The following NALF1 variants were observed in gnomAD, a reference collection of about 807,000 sequenced individuals.
The protein encoded by NALF1 is NALCN channel auxiliary factor 1.
NALF1 carries 3 observed loss-of-function variants against 48.4 expected under a neutral mutation model. The ratio of observed to expected loss-of-function variants is 0.06; its 90% CI spans 0.03 to 0.16. The LOEUF (loss-of-function observed/expected upper bound fraction) is 0.16. Among genes scored for constraint, NALF1 ranks in the 10% least tolerant of loss-of-function variants. The pLI is 1.00. For synonymous variants in NALF1, 262 were observed against 245.7 expected, an observed-to-expected ratio of 1.07 and a Z score of -0.62; for missense variants, 526 against 571.5, an observed-to-expected ratio of 0.92 and a Z score of 0.81.
At chr13:107,217,976 C>T (rs1879909966) in intron 1 of NALF1, among the ~76,000 whole-genome samples, 2 of 152,202 alleles carry the variant, frequency 1.3e-5, no homozygotes, top group African/African-American at 2.4e-5. Flanking sequence ...CCCACAGCAA[C>T]ACCCAGGAGA....
In NALF1 at chr13:107,621,250, G is replaced by A. The variant is rs370281276; in HGVS notation, c.915+244432C>T. 2.4e-4 allele frequency among the ~76,000 whole-genome samples: 36 copies of A among 152,224 alleles called. No individual in the cohort carries two copies. In the South Asian group the frequency reaches 7.1e-3, roughly 30 times the overall value. ...AGTTAGCACATTTCAAGGACAGTAA[G>A]AATATTTCACTATTATCTTTTTAAG... On this transcript the variant is annotated intron_variant, in intron 1 of 2. Coordinates refer to ENST00000375915, the MANE Select transcript of NALF1 (RefSeq NM_001080396.3).
intron 1 of NALF1, among the ~76,000 whole-genome samples, chr13:107,638,143 T>C (rs933935411): frequency 3.0e-5 from 4 of 133,792 alleles, no homozygotes; most frequent in Admixed American, 8.3e-5. Flanking sequence ...AATGAACCTA[T>C]ATATGAAAGC....
At chr13:107,358,165 CATAT>C (rs1180005270) in intron 1 of NALF1, among the ~76,000 whole-genome samples, 171 of 112,928 alleles carry the variant, frequency 1.5e-3, no homozygotes, top group African/African-American at 3.5e-3. Flanking sequence ...ATATACGTAA[CATAT>C]GTGTGTGTGT....
intron 1 of NALF1, among the ~76,000 whole-genome samples, chr13:107,732,329 T>C (rs753648903): frequency 6.6e-6 from 1 of 152,194 alleles, no homozygotes; most frequent in African/African-American, 2.4e-5. Flanking sequence ...TACACATATA[T>C]GGTTTGCACT....
intron 1 of NALF1, among the ~76,000 whole-genome samples, chr13:107,516,515 T>C (rs1327535886): frequency 6.6e-6 from 1 of 152,232 alleles, no homozygotes. Context: ...GCTTTATTAA[T>C]GTATGCTGCT....
chr13:107,470,836 A>G (rs1057223759), intron 1 of NALF1, among the ~76,000 whole-genome samples: 4 of 152,090 alleles, frequency 2.6e-5, no homozygotes, highest in Non-Finnish European at 4.4e-5. Flanking sequence ...ATGTATACAC[A>G]CAAAATAATA....
At chr13:107,729,897 C>T (rs1326294617) in intron 1 of NALF1, among the ~76,000 whole-genome samples, 2 of 152,148 alleles carry the variant, frequency 1.3e-5, no homozygotes, top group Non-Finnish European at 2.9e-5. Context: ...TAGATATATG[C>T]CTAGAAGAAA....
chr13:107,476,675 C>A (rs1410784045), intron 1 of NALF1, among the ~76,000 whole-genome samples: 1 of 151,954 alleles, frequency 6.6e-6, no homozygotes, highest in Non-Finnish European at 1.5e-5. Flanking sequence ...TATAAATACA[C>A]CTCACTTGCA....
intron 1 of NALF1, among the ~76,000 whole-genome samples, chr13:107,336,065 A>G (rs889824940): frequency 6.6e-6 from 1 of 152,122 alleles, no homozygotes; most frequent in African/African-American, 2.4e-5. Context: ...TTAAAATCTA[A>G]TATCAGCCAG....
At chr13:107,194,434 C>A (rs61967589) in intron 2 of NALF1, among the ~76,000 whole-genome samples, 6,114 of 152,222 alleles carry the variant, frequency 0.04, 157 homozygotes, top group Non-Finnish European at 0.058. Context: ...TTACAGCCAA[C>A]TGATCTTTGA....
In NALF1 at chr13:107,866,606, A is replaced by G; in HGVS notation, c.-10T>C. 1.3e-6 allele frequency: 2 copies of G among 1,594,938 alleles called. No individual in the cohort carries two copies. The highest frequency in any genetic ancestry group is 1.7e-6 in the Non-Finnish European group (2 of 1,175,162). ...AAGCACCCCTGGTCATATTTTGGGA[A>G]CGCACAGCCCTGGCCGACTCCACCG... On this transcript the variant is annotated 5_prime_UTR_variant, in exon 1 of 3. Coordinates refer to ENST00000375915, the MANE Select transcript of NALF1 (RefSeq NM_001080396.3). This position sits in a 1 kb window ranked among gnomAD's most constrained non-coding sequence, Gnocchi z 4.4.
intron 1 of NALF1, among the ~76,000 whole-genome samples, chr13:107,802,041 T>C (rs1407371788): frequency 1.3e-5 from 2 of 152,330 alleles, no homozygotes; most frequent in East Asian, 3.9e-4. Flanking sequence ...ACCTGTTCTA[T>C]GCAAACACCT....
intron 1 of NALF1, among the ~76,000 whole-genome samples, chr13:107,818,099 G>A (rs992946039): frequency 2.0e-5 from 3 of 152,104 alleles, no homozygotes; most frequent in African/African-American, 7.2e-5. Context: ...TTTCTTCTAT[G>A]CTGTCTTCTC....
intron 1 of NALF1, among the ~76,000 whole-genome samples, chr13:107,653,292 G>A (rs563264439): frequency 6.8e-4 from 102 of 149,850 alleles, no homozygotes; most frequent in African/African-American, 2.3e-3. Flanking sequence ...TTGTTTTATC[G>A]TAGGGGGAGA....
At chr13:107,440,319 G>A (rs900455070) in intron 1 of NALF1, among the ~76,000 whole-genome samples, 8 of 152,168 alleles carry the variant, frequency 5.3e-5, no homozygotes, top group African/African-American at 7.2e-5. Flanking sequence ...TGAGAGAAAC[G>A]TATTAACTAA....
At chr13:107,343,214 T>C (rs556036493) in intron 1 of NALF1, among the ~76,000 whole-genome samples, 70 of 152,216 alleles carry the variant, frequency 4.6e-4, no homozygotes, top group Middle Eastern at 3.4e-3. Context: ...AAGAAATCAA[T>C]AGCAGTGGAA....
intron 1 of NALF1, among the ~76,000 whole-genome samples, chr13:107,262,769 GCTCTCTCTCTCTCT>G (rs1555329321): frequency 6.9e-6 from 1 of 144,036 alleles, no homozygotes; most frequent in Non-Finnish European, 1.5e-5. Context: ...ACCCACAGGC[GCTCTCTCTCTCTCT>G]CTCTCTCTCT....
At chr13:107,341,237 C>G (rs763157941) in intron 1 of NALF1, among the ~76,000 whole-genome samples, 5 of 151,988 alleles carry the variant, frequency 3.3e-5, no homozygotes, top group Non-Finnish European at 7.4e-5. Context: ...AAAAGTAAGA[C>G]AGTGAGCAGA....
chr13:107,842,498 G>A (rs937047421), intron 1 of NALF1, among the ~76,000 whole-genome samples: 1 of 151,550 alleles, frequency 6.6e-6, no homozygotes, highest in African/African-American at 2.4e-5. Context: ...TAACCAACAA[G>A]TAACAGTTTT....
Sources: allele counts gnomAD v4.1 joint callset (sites outside exome capture counted in the v4.1 genomes callset), GRCh38; gene constraint gnomAD v4.1.1; non-coding constraint Gnocchi (gnomAD v3.1); transcripts MANE v1.5; gene names NCBI Gene and HGNC (gene_info 2026-07-23, HGNC 2026-07-21).